Variants in PALD1 observed in about 807,000 individuals in gnomAD.
PALD1 encodes the protein phosphatase domain containing paladin 1, also known as paladin.
A neutral mutation model predicts 96.0 loss-of-function variants in PALD1; 57 were observed. The observed-to-expected ratio is 0.59, with a 90% CI of 0.48 to 0.74. PALD1 has a LOEUF of 0.74. Among genes scored for constraint, PALD1 ranks in the 30% least tolerant of loss-of-function variants. PALD1 has a pLI of 0.00. For synonymous variants in PALD1, 464 were observed against 473.6 expected, an observed-to-expected ratio of 0.98 and a Z score of 0.26; for missense variants, 1,063 against 1,143.7, an observed-to-expected ratio of 0.93 and a Z score of 1.02.
chr10:70,481,090 T>C (rs1472299196), intron 1 of PALD1, among the ~76,000 whole-genome samples: 1 of 152,128 alleles, frequency 6.6e-6, no homozygotes, highest in Non-Finnish European at 1.5e-5. Context: ...GACAGACATA[T>C]AGGTAGACCC....
At chr10:70,513,213 C>T (rs1038908760) in intron 1 of PALD1, among the ~76,000 whole-genome samples, 1 of 152,124 alleles carries the variant, frequency 6.6e-6, no homozygotes, top group Non-Finnish European at 1.5e-5. Context: ...TGAAAGAGTT[C>T]GCCGGGTGCG....
chr10:70,500,256 A>G (rs1041273999), intron 1 of PALD1, among the ~76,000 whole-genome samples: 3 of 152,158 alleles, frequency 2.0e-5, no homozygotes, highest in African/African-American at 7.2e-5. Context: ...GTCCCAGAGC[A>G]GTACCCACCC....
In PALD1 at chr10:70,539,036, C is replaced by A; in HGVS notation, c.1569+28C>A. On this transcript the variant is annotated intron_variant, in intron 13 of 19. Transcript: ENST00000263563. The surrounding 1 kb of genome is among the most constrained non-coding windows in gnomAD (Gnocchi z 4.5). Reference sequence around the variant, plus strand: ...GACCGGCCCTCAGGGCCTGGGTCCCCCAGTGGGTTTGGGGAGGGAGGGCTG... The same window carrying A: ...GACCGGCCCTCAGGGCCTGGGTCCCACAGTGGGTTTGGGGAGGGAGGGCTG... 2 of 1,613,572 alleles carry A rather than the reference C, an allele frequency of 1.2e-6. No individual in the cohort carries two copies. Among genetic ancestry groups the A allele is most frequent in the Non-Finnish European group, 1.7e-6 (2 of 1,179,772 alleles).
At position 70,539,149 on chromosome 10, in the gene PALD1, G is replaced by A; in HGVS notation, c.1627G>A (p.Val543Ile). The change falls in exon 14 of 20, where the codon GTC (valine) becomes ATC (isoleucine). Residue 543 changes from valine (V) to isoleucine (I), a missense_variant. Coordinates refer to ENST00000263563, the MANE Select transcript of PALD1 (RefSeq NM_014431.3). This position sits in a 1 kb window ranked among gnomAD's most constrained non-coding sequence, Gnocchi z 4.5. The stretch of plus-strand genomic sequence containing the variant: ...CGCCAAGAGGAGGCTGCGGAAGGTT[G>A]TCTGGGTGAGCCTTCGGGAGGAGGC... ...TDAKRRLRKV[V>I]WVSLREEAVL... 6.2e-7 allele frequency: 1 copy of A among 1,613,710 alleles called. No homozygotes were observed. The highest frequency in any genetic ancestry group is 8.5e-7 in the Non-Finnish European group (1 of 1,179,828).
At chr10:70,547,223 T>G in intron 17 of PALD1, 83 bp from the exon 18 acceptor site, 1 of 1,340,416 alleles carries the variant, frequency 7.5e-7, no homozygotes, top group Non-Finnish European at 1.1e-6. Context: ...TGGTGTGGCC[T>G]TTTGGTGAGG....
At chr10:70,564,246 G>A (rs543003387) in intron 18 of PALD1, 118 bp from the exon 19 acceptor site, 19 of 1,077,494 alleles carry the variant, frequency 1.8e-5, no homozygotes, top group Admixed American at 1.0e-4. Flanking sequence ...TGGAAGCAAC[G>A]CCCTCAGCTC....
chr10:70,567,062 CA>C lies in PALD1; in HGVS notation c.*332del. The C allele has an allele frequency of 3.6e-6, 1 of 274,686 alleles. No homozygotes were observed. The highest frequency in any genetic ancestry group is 2.2e-5 in the African/African-American group (1 of 45,108). 17.0% of individuals were successfully genotyped at this position (274,686 alleles called of 1,614,324 possible). ...CCAAGGGGCTCACTCCCCCAGTTGC[CA>C]AACACTGTGGATCTCTCTGTCCTCT... On this transcript the variant is annotated 3_prime_UTR_variant, in exon 20 of 20. Transcript: ENST00000263563.
intron 1 of PALD1, among the ~76,000 whole-genome samples, chr10:70,481,324 C>A (rs554511376): frequency 6.6e-6 from 1 of 152,320 alleles, no homozygotes; most frequent in East Asian, 1.9e-4. Flanking sequence ...TCACTGTTTC[C>A]CTGCGTGGCA....
At chr10:70,489,901 G>C (rs957134310) in intron 1 of PALD1, among the ~76,000 whole-genome samples, 2 of 152,088 alleles carry the variant, frequency 1.3e-5, no homozygotes, top group Middle Eastern at 3.4e-3. Flanking sequence ...TACAACATAT[G>C]GGTTTTTTGT....
chr10:70,521,456 A>G (rs1219977155), intron 1 of PALD1, among the ~76,000 whole-genome samples: 3 of 152,174 alleles, frequency 2.0e-5, no homozygotes, highest in Non-Finnish European at 4.4e-5. Flanking sequence ...TTGGAATATT[A>G]ATAACAGAAG....
At chr10:70,526,243 C>G in intron 2 of PALD1, 107 bp downstream of exon 2, 1 of 883,246 alleles carries the variant, frequency 1.1e-6, no homozygotes, top group South Asian at 1.6e-5. Flanking sequence ...AGACTGGATT[C>G]GGGTTCATAG....
intron 17 of PALD1, 121 bp downstream of exon 17, chr10:70,541,655 A>G (rs1589210984): frequency 1.4e-6 from 1 of 719,008 alleles, no homozygotes; most frequent in South Asian, 1.6e-5. Flanking sequence ...CCACCTCATC[A>G]TATCAGTGCT....
chr10:70,549,285 A>G (rs1847431426), intron 18 of PALD1, among the ~76,000 whole-genome samples: 1 of 152,118 alleles, frequency 6.6e-6, no homozygotes, highest in Non-Finnish European at 1.5e-5. Context: ...GAGGGCTGAG[A>G]ATGGAAGCTT....
In PALD1 at chr10:70,550,464, T is replaced by C. The variant is rs73272619; in HGVS notation, c.2262+3018T>C. ...TGCTGGCGGGGACCACACTAGGGGA[T>C]GTATACAATTCACGATGTATACAAT... On this transcript the variant is annotated intron_variant, in intron 18 of 19. Transcript: ENST00000263563. Among the ~76,000 whole-genome samples the C allele has an allele frequency of 3.0e-3, 463 of 152,346 alleles. 3 individuals carry two copies. Among genetic ancestry groups the C allele is most frequent in the African/African-American group, 0.01 (427 of 41,570 alleles).
At chr10:70,564,281 C>T in intron 18 of PALD1, 83 bp from the exon 19 acceptor site, 7 of 1,374,208 alleles carry the variant, frequency 5.1e-6, no homozygotes, top group Middle Eastern at 4.7e-4. Context: ...CCTGCCCTGG[C>T]ACTCAGGGCA....
intron 18 of PALD1, among the ~76,000 whole-genome samples, chr10:70,561,225 GC>G (rs1229577280): frequency 6.6e-6 from 1 of 152,258 alleles, no homozygotes; most frequent in African/African-American, 2.4e-5. Context: ...AGAGGATCGT[GC>G]TGGTGCGGTC....
chr10:70,553,456 G>A (rs1430385450), intron 18 of PALD1, among the ~76,000 whole-genome samples: 3 of 152,172 alleles, frequency 2.0e-5, no homozygotes, highest in African/African-American at 4.8e-5. Flanking sequence ...AGGCTCATGC[G>A]GAGGGACAGG....
rs1478373501 is a variant in PALD1 at position 70,547,434 on chromosome 10, C to T, written c.2250C>T (p.Cys750=). 1 of 1,607,582 alleles carries T rather than the reference C, an allele frequency of 6.2e-7. No individual in the cohort carries two copies. The highest frequency in any genetic ancestry group is 8.5e-7 in the Non-Finnish European group (1 of 1,177,506). Residue 750 remains cysteine, a synonymous_variant, in exon 18 of 20, where the codon TGC becomes TGT. Coordinates refer to ENST00000263563, the MANE Select transcript of PALD1 (RefSeq NM_014431.3). ...MHYHLREIII[C]TYRQAKAAKE... ...ACCACCTGCGGGAGATCATCATCTG[C>T]ACCTACCGCCAGGTGAGCCCCCACC...
At chr10:70,471,174 G>A in the PALD1 span, among the ~76,000 whole-genome samples, 1 of 152,168 alleles carries the variant, frequency 6.6e-6, no homozygotes, top group Non-Finnish European at 1.5e-5. Context: ...AGCCAGGCTG[G>A]TCTTGAACTC....
Sources: gnomAD v4.1 joint callset for allele counts (sites outside exome capture counted in the v4.1 genomes callset) on GRCh38, gnomAD v4.1.1 for gene constraint, Gnocchi (gnomAD v3.1) non-coding constraint, MANE v1.5 for transcripts, NCBI Gene and HGNC (gene_info 2026-07-23, HGNC 2026-07-21) for gene names.